Variants in BAAT observed in about 807,000 individuals in gnomAD.
BAAT encodes the protein bile acid-CoA:amino acid N-acyltransferase, also known as bile acid CoA: amino acid N-acyltransferase (glycine N-choloyltransferase).
Under a neutral mutation model 18.9 loss-of-function variants are expected in BAAT, and 13 were observed. The observed-to-expected ratio is 0.69, with a 90% confidence interval of 0.45 to 1.10. BAAT has a LOEUF of 1.10. Ranked by LOEUF, BAAT falls within the 50% of genes least tolerant of loss-of-function variation. The pLI is 0.00. For missense variants in BAAT, 489 were observed against 504.0 expected (o/e 0.97, Z 0.28); for synonymous variants, 170 against 190.7 (o/e 0.89, Z 0.89).
chr9:101,369,647 G>A (rs1445564682), intron 2 of BAAT, among the ~76,000 whole-genome samples: 1 of 152,128 alleles, frequency 6.6e-6, no homozygotes, highest in Non-Finnish European at 1.5e-5. Flanking sequence ...GATAATAGAG[G>A]CACAGCAATT....
chr9:101,373,237 CA>C (rs1423794248), intron 1 of BAAT, among the ~76,000 whole-genome samples: 1 of 151,998 alleles, frequency 6.6e-6, no homozygotes, highest in African/African-American at 2.4e-5. Flanking sequence ...TGCATACTTA[CA>C]AAAATGCTTG....
At chr9:101,379,093 G>A (rs1830092091) in intron 1 of BAAT, among the ~76,000 whole-genome samples, 1 of 152,244 alleles carries the variant, frequency 6.6e-6, no homozygotes. Flanking sequence ...AGATGCTGGA[G>A]AGGATGTGGA....
At chr9:101,379,329 C>T (rs2119038123) in intron 1 of BAAT, among the ~76,000 whole-genome samples, 1 of 152,332 alleles carries the variant, frequency 6.6e-6, no homozygotes, top group South Asian at 2.1e-4. Flanking sequence ...GCCCAGGAAC[C>T]TCCAGTTATT....
chr9:101,382,421 C>G (rs1830147604), intron 1 of BAAT, among the ~76,000 whole-genome samples: 1 of 152,136 alleles, frequency 6.6e-6, no homozygotes, highest in South Asian at 2.1e-4. Flanking sequence ...ACAAGCAGGG[C>G]ACCATGCATG....
intron 2 of BAAT, 110 bp downstream of exon 2, chr9:101,370,829 A>G (rs988080396): frequency 8.3e-5 from 105 of 1,257,506 alleles, no homozygotes; most frequent in Middle Eastern, 2.1e-4. Context: ...AAAAACAATA[A>G]TAACAATAAC....
chr9:101,365,502 AT>A (rs1829811379), intron 3 of BAAT, among the ~76,000 whole-genome samples: 1 of 151,686 alleles, frequency 6.6e-6, no homozygotes, highest in African/African-American at 2.4e-5. Context: ...GAAATTCTGT[AT>A]TTTTTTAATT....
chr9:101,363,580 C>G (rs554754189), intron 3 of BAAT, among the ~76,000 whole-genome samples: 1 of 151,386 alleles, frequency 6.6e-6, no homozygotes, highest in Non-Finnish European at 1.5e-5. Context: ...CACTGGGAGT[C>G]ACAGAGAGAA....
chr9:101,374,512 T>C (rs1830006952), intron 1 of BAAT, among the ~76,000 whole-genome samples: 1 of 152,120 alleles, frequency 6.6e-6, no homozygotes, highest in African/African-American at 2.4e-5. Context: ...TCCAATATTT[T>C]TAAAAATATC....
intron 1 of BAAT, chr9:101,376,326 G>T: frequency 4.7e-6 from 1 of 210,584 alleles, no homozygotes; most frequent in South Asian, 8.8e-5. Flanking sequence ...CAAGGCCAGT[G>T]ATAACTCCAT....
rs1310314437 is a variant in BAAT, at chr9:101,361,397, A to C, written c.*1031T>G. On this transcript the variant is annotated 3_prime_UTR_variant, in exon 4 of 4. Transcript: ENST00000259407. ...ATGATCAAAGCCTTATAGCAAAAAA[A>C]ATTTTTTAATATTTGCAAAGGACTG... The C allele has an allele frequency of 6.6e-6, 1 of 152,658 alleles. No homozygotes were observed. The highest frequency in any genetic ancestry group is 1.9e-4 in the East Asian group (1 of 5,202). 9.5% of individuals were successfully genotyped at this position (152,658 alleles called of 1,614,324 possible).
Position 101,367,515 on chromosome 9 carries a change from T to G in BAAT, c.669+605A>C, listed in dbSNP as rs567966545. The stretch of plus-strand genomic sequence containing the variant: ...GCATGCATTATCCTTTTTTTTTTTT[T>G]GCTTTGTCACCCAGGCTGGAGTACA... On this transcript the variant is annotated intron_variant, in intron 3 of 3. Coordinates refer to ENST00000259407, the MANE Select transcript of BAAT (RefSeq NM_001701.4). Among the ~76,000 whole-genome samples, 9 of 150,102 alleles carry G rather than the reference T, an allele frequency of 6.0e-5. No individual in the cohort carries two copies. In the East Asian group the frequency reaches 7.8e-4, roughly 13 times the overall value.
At chr9:101,381,334 C>T (rs1353765267) in intron 1 of BAAT, among the ~76,000 whole-genome samples, 1 of 151,638 alleles carries the variant, frequency 6.6e-6, no homozygotes, top group Non-Finnish European at 1.5e-5. Context: ...CCAGCCTGGG[C>T]AACATAGTGA....
At chr9:101,382,416 C>CA (rs1164379118) in intron 1 of BAAT, among the ~76,000 whole-genome samples, 1 of 152,278 alleles carries the variant, frequency 6.6e-6, no homozygotes, top group East Asian at 1.9e-4. Context: ...CAAGCACAAG[C>CA]AGGGCACCAT....
chr9:101,379,619 T>A (rs1001945191), intron 1 of BAAT, among the ~76,000 whole-genome samples: 8 of 152,148 alleles, frequency 5.3e-5, no homozygotes, highest in Admixed American at 4.6e-4. Flanking sequence ...TAGAAAAAAA[T>A]TGTTTCAGAA....
chr9:101,368,056 C>T lies in BAAT; in HGVS notation c.669+64G>A, dbSNP rs73657933. On this transcript the variant is annotated intron_variant, in intron 3 of 3. Coordinates refer to ENST00000259407, the MANE Select transcript of BAAT (RefSeq NM_001701.4). ...GACGGAGCAAGACCCTGTCTTTTAA[C>T]AAAAACAAAAACAGAAACAAAAAAA... 0.15 allele frequency: 234,336 copies of T among 1,536,380 alleles called. 18,724 individuals are homozygous for T. The highest frequency in any genetic ancestry group is 0.21 in the African/African-American group (15,417 of 73,078).
rs1348283431 is a variant in BAAT at position 101,373,838 on chromosome 9, T to C, written c.-59-2375A>G. 3.9e-5 allele frequency among the ~76,000 whole-genome samples: 6 copies of C among 152,150 alleles called. No individual in the cohort carries two copies. The East Asian group carries it at 9.6e-4, about 24-fold the overall frequency. ...CGGGGGTAGGGGCGAAGCCCTTTTC[T>C]CCCCATCAATACTGAGCTTTATACC... On this transcript the variant is annotated intron_variant, in intron 1 of 3. Transcript: ENST00000259407.
intron 1 of BAAT, among the ~76,000 whole-genome samples, chr9:101,380,002 C>T (rs1417069747): frequency 6.6e-6 from 1 of 152,172 alleles, no homozygotes; most frequent in African/African-American, 2.4e-5. Flanking sequence ...ATCTGTTTCC[C>T]ATTGCCAGTG....
intron 1 of BAAT, among the ~76,000 whole-genome samples, chr9:101,380,907 C>A (rs1429014833): frequency 1.3e-5 from 2 of 152,012 alleles, no homozygotes; most frequent in South Asian, 4.1e-4. Context: ...CACCCACCAC[C>A]ATGCCTGGCC....
intron 2 of BAAT, among the ~76,000 whole-genome samples, chr9:101,369,578 C>A (rs1198548995): frequency 6.6e-6 from 1 of 152,162 alleles, no homozygotes; most frequent in East Asian, 1.9e-4. Flanking sequence ...CACCCTAAAC[C>A]AGCACATCAT....
Sources: gnomAD v4.1 joint callset for allele counts (sites outside exome capture counted in the v4.1 genomes callset) on GRCh38, gnomAD v4.1.1 for gene constraint, MANE v1.5 for transcripts, NCBI Gene and HGNC (gene_info 2026-07-23, HGNC 2026-07-21) for gene names.